The following GABRG1 variants were observed in gnomAD, a reference collection of about 807,000 sequenced individuals.
GABRG1 encodes the protein gamma-aminobutyric acid receptor subunit gamma-1.
In GABRG1, 49 loss-of-function variants were observed where a neutral mutation model predicts 49.8. That is an observed-to-expected ratio of 0.98 (90% CI 0.78 to 1.25). GABRG1 has a LOEUF of 1.25. Among genes scored for constraint, GABRG1 ranks in the 50% most tolerant of loss-of-function variants. The pLI is 0.00. For missense variants in GABRG1, 552 were observed against 552.3 expected (o/e 1.00, Z 0.01); for synonymous variants, 232 against 185.1 (o/e 1.25, Z -2.06).
chr4:46,064,323 A>G, intron 5 of GABRG1, 118 bp downstream of exon 5: 1 of 542,750 alleles, frequency 1.8e-6, no homozygotes, highest in Admixed American at 3.7e-5. Flanking sequence ...TTTATCTAAA[A>G]GAATTGAACA....
intron 5 of GABRG1, among the ~76,000 whole-genome samples, chr4:46,061,821 T>TC (rs1265746608): frequency 6.6e-6 from 1 of 150,436 alleles, no homozygotes; most frequent in Non-Finnish European, 1.5e-5. Context: ...TACATTTTTT[T>TC]TTTTTTGGTT....
rs559181332 is a variant in GABRG1, at chr4:46,065,431, G to A, written c.475C>T (p.His159Tyr). 4.3e-6 allele frequency: 7 copies of A among 1,613,480 alleles called. No individual in the cohort carries two copies. Among genetic ancestry groups the A allele is most frequent in the Admixed American group, 3.3e-5 (2 of 59,994 alleles). ...FFRNSRKSDA[H>Y]WITTPNRLLR... ...AGACGATTAGGAGTTGTTATCCAGT[G>A]AGCATCAGATTTTCTTGAGTTTCTG... The change falls in exon 4 of 9, where the codon CAC (histidine) becomes TAC (tyrosine). Residue 159 changes from histidine to tyrosine, a missense_variant. Transcript: ENST00000295452.
intron 2 of GABRG1, among the ~76,000 whole-genome samples, chr4:46,088,290 C>G (rs1221828818): frequency 6.6e-6 from 1 of 152,014 alleles, no homozygotes; most frequent in Admixed American, 6.6e-5. Context: ...CCACATTTAA[C>G]AAGATTTTGA....
chr4:46,118,699 A>G (rs1231928289), intron 1 of GABRG1, among the ~76,000 whole-genome samples: 1 of 151,264 alleles, frequency 6.6e-6, no homozygotes, highest in East Asian at 1.9e-4. Flanking sequence ...GGTAGTGCTC[A>G]GTGAGTATTT....
intron 5 of GABRG1, among the ~76,000 whole-genome samples, chr4:46,060,034 G>A (rs1718612577): frequency 6.6e-6 from 1 of 151,854 alleles, no homozygotes; most frequent in African/African-American, 2.4e-5. Context: ...CTACTTTGTA[G>A]CTGTCTAGAA....
In GABRG1 at chr4:46,117,612, C is replaced by CTATATATATA; in HGVS notation, c.104+6188_104+6197dup. On this transcript the variant is annotated intron_variant, in intron 1 of 8. Coordinates refer to ENST00000295452, the MANE Select transcript of GABRG1 (RefSeq NM_173536.4). ...TCTTTGTCTCTCTCTCTCTCTCTCT[C>CTATATATATA]TATATATATATACACATATGTATAC... 1.4e-5 allele frequency among the ~76,000 whole-genome samples: 2 copies of CTATATATATA among 140,150 alleles called. 1 individual carries two copies. The highest frequency in any genetic ancestry group is 5.3e-5 in the African/African-American group (2 of 37,930). The allele number at this position is 140,150 out of a possible 152,430, so 91.9% of individuals were successfully genotyped here.
At position 46,059,479 on chromosome 4, in the gene GABRG1, C is replaced by G. The variant is rs1347983558; in HGVS notation, c.626-857G>C. On this transcript the variant is annotated intron_variant, in intron 5 of 8. Coordinates refer to ENST00000295452, the MANE Select transcript of GABRG1 (RefSeq NM_173536.4). ...TTGGCTCACTGCTAATGTCTGCCGC[C>G]CAGGTTCAAGCAATTCTCATGCCTC... Among the ~76,000 whole-genome samples, 4 of 152,128 alleles carry G rather than the reference C, an allele frequency of 2.6e-5. No individual in the cohort carries two copies. In the East Asian group the frequency reaches 5.8e-4, roughly 22 times the overall value.
intron 3 of GABRG1, among the ~76,000 whole-genome samples, chr4:46,082,600 A>G (rs1719616604): frequency 1.3e-5 from 2 of 151,710 alleles, no homozygotes; most frequent in Admixed American, 6.6e-5. Context: ...CACCATTCCA[A>G]CTGAATTTCT....
At chr4:46,078,720 A>T (rs919857145) in intron 3 of GABRG1, among the ~76,000 whole-genome samples, 1 of 152,070 alleles carries the variant, frequency 6.6e-6, no homozygotes, top group East Asian at 1.9e-4. Flanking sequence ...CTTACTTAAA[A>T]GTCAGTTCTC....
At chr4:46,045,216 A>G (rs1299896969) in intron 8 of GABRG1, among the ~76,000 whole-genome samples, 1 of 152,136 alleles carries the variant, frequency 6.6e-6, no homozygotes, top group Non-Finnish European at 1.5e-5. Flanking sequence ...AGGAAGTAAT[A>G]CATCCACTTA....
intron 1 of GABRG1, among the ~76,000 whole-genome samples, chr4:46,103,332 G>A (rs934143786): frequency 1.3e-5 from 2 of 151,464 alleles, no homozygotes; most frequent in African/African-American, 4.8e-5. Context: ...ATTGCTACTT[G>A]TACTGAGTAT....
At chr4:46,051,357 A>C in intron 8 of GABRG1, 67 bp downstream of exon 8, 1 of 1,221,122 alleles carries the variant, frequency 8.2e-7, no homozygotes. Flanking sequence ...CAAACACATA[A>C]ATATTCAAAA....
chr4:46,117,714 GTATATACATATACA>G (rs1225987339), intron 1 of GABRG1, among the ~76,000 whole-genome samples: 1 of 140,100 alleles, frequency 7.1e-6, no homozygotes, highest in Non-Finnish European at 1.6e-5. Flanking sequence ...ATACATACAT[GTATATACATATACA>G]TATATACATA....
At chr4:46,086,406 A>T (rs2109424382) in intron 2 of GABRG1, among the ~76,000 whole-genome samples, 1 of 151,754 alleles carries the variant, frequency 6.6e-6, no homozygotes, top group Non-Finnish European at 1.5e-5. Flanking sequence ...ATAGATTTTA[A>T]AAATCTTTTC....
chr4:46,100,256 G>A (rs1172019467), intron 1 of GABRG1, among the ~76,000 whole-genome samples: 2 of 151,558 alleles, frequency 1.3e-5, no homozygotes, highest in Non-Finnish European at 2.9e-5. Flanking sequence ...TCATTTATAA[G>A]TTGGAGCTAA....
At chr4:46,096,745 A>T (rs1276991329) in intron 2 of GABRG1, among the ~76,000 whole-genome samples, 1 of 151,648 alleles carries the variant, frequency 6.6e-6, no homozygotes, top group Non-Finnish European at 1.5e-5. Flanking sequence ...CTACTAGTGA[A>T]ATAGAGATTA....
At chr4:46,095,726 T>A (rs957726326) in intron 2 of GABRG1, among the ~76,000 whole-genome samples, 5 of 151,762 alleles carry the variant, frequency 3.3e-5, no homozygotes, top group Non-Finnish European at 7.4e-5. Context: ...GAAAAATAAT[T>A]TTACATGCAA....
intron 1 of GABRG1, among the ~76,000 whole-genome samples, chr4:46,101,124 C>T (rs1720365196): frequency 6.6e-6 from 1 of 151,216 alleles, no homozygotes; most frequent in South Asian, 2.1e-4. Context: ...TTGGAAGAAA[C>T]AGGTATGATT....
intron 5 of GABRG1, among the ~76,000 whole-genome samples, chr4:46,064,128 C>G (rs932053457): frequency 6.6e-6 from 1 of 151,990 alleles, no homozygotes; most frequent in Non-Finnish European, 1.5e-5. Context: ...TTCTTGGGGA[C>G]TGTGTAAAAA....
Sources: allele counts gnomAD v4.1 joint callset (sites outside exome capture counted in the v4.1 genomes callset), GRCh38; gene constraint gnomAD v4.1.1; transcripts MANE v1.5; gene names NCBI Gene and HGNC (gene_info 2026-07-23, HGNC 2026-07-21).